Variants in THOC5 observed in about 807,000 individuals in gnomAD.
THOC5 encodes the protein Fms-interacting protein.
In THOC5, 43 loss-of-function variants were observed where a neutral mutation model predicts 92.9. The observed-to-expected ratio is 0.46, with a 90% confidence interval of 0.36 to 0.60. The LOEUF is 0.60. THOC5 is among the 20% of genes least tolerant of loss of function. THOC5 has a pLI of 0.00. For synonymous variants in THOC5, 296 were observed against 320.1 expected, an observed-to-expected ratio of 0.92 and a Z score of 0.80; for missense variants, 659 against 849.4, an observed-to-expected ratio of 0.78 and a Z score of 2.79.
chr22:29,525,267 C>G (rs2063520658), intron 12 of THOC5, among the ~76,000 whole-genome samples: 1 of 152,058 alleles, frequency 6.6e-6, no homozygotes, highest in South Asian at 2.1e-4. Context: ...CATAGTGAGA[C>G]TGTGTATCAA....
intron 12 of THOC5, 100 bp from the exon 13 acceptor site, chr22:29,521,199 A>G (rs1009903627): frequency 1.1e-4 from 89 of 812,298 alleles, no homozygotes; most frequent in Admixed American, 4.1e-4. Flanking sequence ...CTCACTGATG[A>G]CCAATGCCAC....
Position 29,512,140 on chromosome 22 carries a change from G to A in THOC5, c.1682-4C>T. 6.2e-7 allele frequency: 1 copy of A among 1,613,106 alleles called. No homozygotes were observed. The highest frequency in any genetic ancestry group is 8.5e-7 in the Non-Finnish European group (1 of 1,179,064). ...ACCACAGCGGCCTGCAGTTTGGCTG[G>A]GAAGAGAGGAGAGAGGGGAAATGCG... On this transcript the variant is annotated splice_polypyrimidine_tract_variant and splice_region_variant and intron_variant, in intron 17 of 19. Transcript: ENST00000490103.
At chr22:29,528,846 T>G (rs1393984927) in intron 9 of THOC5, 1 of 498,970 alleles carries the variant, frequency 2.0e-6, no homozygotes, top group East Asian at 3.5e-5. Flanking sequence ...TGTATGTGCA[T>G]TACCTTATTT....
In THOC5 at chr22:29,519,092, C is replaced by T; in HGVS notation, c.1403G>A (p.Ser468Asn). Reference protein sequence around the residue: ...QQTVIADHSLSASHMETTMKL... With the variant: ...QQTVIADHSLNASHMETTMKL... ...CATGGTGGTCTCCATGTGGCTGGCGCTCAGCGAGTGGTCAGCAATCACTGT... is the reference window on the plus strand; with the variant it reads ...CATGGTGGTCTCCATGTGGCTGGCGTTCAGCGAGTGGTCAGCAATCACTGT... Residue 468 changes from serine to asparagine, a missense_variant, in exon 15 of 20, where the codon AGC becomes AAC. Ser to Asn is a conservative substitution (Grantham distance 46). Transcript: ENST00000490103. 6.2e-7 allele frequency: 1 copy of T among 1,611,496 alleles called. No homozygotes were observed. Among genetic ancestry groups the T allele is most frequent in the Non-Finnish European group, 8.5e-7 (1 of 1,178,860 alleles).
rs2063432566 is a variant in THOC5 at position 29,521,077 on chromosome 22, C to A, written c.1198G>T (p.Val400Phe). The change falls in exon 13 of 20, where the codon GTC (valine) becomes TTC (phenylalanine). Residue 400 changes from valine (V) to phenylalanine (F), a missense_variant. By Grantham distance (50) the Val-to-Phe change is conservative. Coordinates refer to ENST00000490103, the MANE Select transcript of THOC5 (RefSeq NM_003678.5). ...SAGDLLSPDS[V>F]LSCLYPGDHG... ...TCCCCAGGATACAAGCAACTCAGGA[C>A]TGAGTCAGGAGACAGCAAGTCACTA... The A allele has an allele frequency of 1.2e-6, 2 of 1,613,886 alleles. No individual in the cohort carries two copies. Among genetic ancestry groups the A allele is most frequent in the Non-Finnish European group, 1.7e-6 (2 of 1,179,890 alleles).
chr22:29,549,193 G>T (rs1034236502), intron 1 of THOC5, 35 bp from the exon 2 acceptor site: 1 of 1,586,820 alleles, frequency 6.3e-7, no homozygotes, highest in Non-Finnish European at 8.6e-7. Flanking sequence ...GATTCTTCTG[G>T]AGTCATAACA....
At chr22:29,539,088 A>T (rs2063823640) in intron 6 of THOC5, among the ~76,000 whole-genome samples, 2 of 142,352 alleles carry the variant, frequency 1.4e-5, no homozygotes, top group Non-Finnish European at 3.1e-5. Flanking sequence ...CCAGCCTGGG[A>T]GACAGAGTGA....
intron 8 of THOC5, chr22:29,531,573 TGC>T: frequency 8.3e-7 from 1 of 1,198,748 alleles, no homozygotes; most frequent in Non-Finnish European, 1.0e-6. Context: ...GCCTGGGTTC[TGC>T]ACCCAAGAGC....
At chr22:29,540,587 C>T (rs1380739610) in intron 5 of THOC5, among the ~76,000 whole-genome samples, 3 of 152,140 alleles carry the variant, frequency 2.0e-5, no homozygotes, top group African/African-American at 4.8e-5. Flanking sequence ...TCCCAACAGG[C>T]GCAAGTTCCA....
At chr22:29,544,705 C>CGA in intron 2 of THOC5, 102 bp from the exon 3 acceptor site, 1 of 1,216,960 alleles carries the variant, frequency 8.2e-7, no homozygotes, top group Non-Finnish European at 1.1e-6. Context: ...AAAACAGTAA[C>CGA]AATGAAGCCT....
At chr22:29,528,990 A>G (rs908215348) in intron 9 of THOC5, 172 bp downstream of exon 9, 13 of 645,188 alleles carry the variant, frequency 2.0e-5, no homozygotes, top group Middle Eastern at 8.7e-4. Context: ...CACGGGCCGC[A>G]CCTTGTGACT....
Position 29,536,508 on chromosome 22 carries a change from T to C in THOC5, c.714+116A>G. 3 of 663,806 alleles carry C rather than the reference T, an allele frequency of 4.5e-6. No individual in the cohort carries two copies. The South Asian group carries it at 5.3e-5, about 12-fold the overall frequency. The allele number at this position is 663,806 out of a possible 1,614,324, so 41.1% of individuals were successfully genotyped here. Reference sequence around the variant, plus strand: ...CTGGGTAGGGATGCAGACAAGGCCATCCTTATACTATACTCTAATTTAGGG... The same window carrying C: ...CTGGGTAGGGATGCAGACAAGGCCACCCTTATACTATACTCTAATTTAGGG... On this transcript the variant is annotated intron_variant, in intron 7 of 19. Transcript: ENST00000490103.
intron 6 of THOC5, among the ~76,000 whole-genome samples, chr22:29,538,280 C>T (rs1405756984): frequency 1.3e-5 from 2 of 152,152 alleles, no homozygotes; most frequent in African/African-American, 4.8e-5. Context: ...CCTCGCCTGG[C>T]TGAAGCATTA....
chr22:29,531,254 G>T (rs56066153), intron 8 of THOC5: 106,321 of 1,011,882 alleles, frequency 0.11, 7,474 homozygotes, highest in African/African-American at 0.33. Flanking sequence ...CTGATGAGGT[G>T]GGGTGGGGTG....
At chr22:29,511,943 A>G in intron 18 of THOC5, 78 bp downstream of exon 18, 2 of 1,193,184 alleles carry the variant, frequency 1.7e-6, no homozygotes, top group South Asian at 1.3e-5. Flanking sequence ...CCAAGTCCTC[A>G]GCTGCAGTGG....
At chr22:29,531,311 G>T in intron 8 of THOC5, 1 of 985,434 alleles carries the variant, frequency 1.0e-6, no homozygotes, top group Non-Finnish European at 1.2e-6. Flanking sequence ...AGGGCAAAAG[G>T]CAGAGTCTCC....
intron 17 of THOC5, among the ~76,000 whole-genome samples, chr22:29,516,530 C>T (rs2063335815): frequency 2.0e-5 from 3 of 152,206 alleles, no homozygotes; most frequent in Non-Finnish European, 4.4e-5. Context: ...CCCAGGACTT[C>T]AGCAGGGAGC....
intron 12 of THOC5, among the ~76,000 whole-genome samples, chr22:29,524,529 A>C (rs2063505623): frequency 6.6e-6 from 1 of 152,188 alleles, no homozygotes; most frequent in Non-Finnish European, 1.5e-5. Context: ...GAAATGAACA[A>C]GCAGAATGTT....
intron 8 of THOC5, 66 bp from the exon 9 acceptor site, chr22:29,529,305 C>T: frequency 6.5e-7 from 1 of 1,540,414 alleles, no homozygotes; most frequent in Non-Finnish European, 9.0e-7. Context: ...TGTGAGTAGG[C>T]CAGCTCTGGG....
Sources: gnomAD v4.1 joint callset for allele counts (sites outside exome capture counted in the v4.1 genomes callset) on GRCh38, gnomAD v4.1.1 for gene constraint, MANE v1.5 for transcripts, NCBI Gene and HGNC (gene_info 2026-07-23, HGNC 2026-07-21) for gene names.